The following ARB2A variants were observed in gnomAD, a reference collection of about 807,000 sequenced individuals.
The protein encoded by ARB2A is cotranscriptional regulator ARB2A.
At chr5:93,716,691 T>C in the ARB2A span, among the ~76,000 whole-genome samples, 2 of 69,476 alleles carry the variant, frequency 2.9e-5, no homozygotes, top group South Asian at 7.4e-4. Context: ...CTATAAGCTG[T>C]GCAAAAAAAA....
the ARB2A span, among the ~76,000 whole-genome samples, chr5:93,786,219 A>G: frequency 5.3e-5 from 8 of 152,228 alleles, no homozygotes; most frequent in Non-Finnish European, 1.2e-4. Flanking sequence ...CTTGAGAGCC[A>G]TTTGTGAAAT....
the ARB2A span, among the ~76,000 whole-genome samples, chr5:94,060,493 T>C: frequency 2.6e-5 from 4 of 152,218 alleles, no homozygotes; most frequent in African/African-American, 4.8e-5. Context: ...AATAGTCTTA[T>C]GACTATTAAA....
At chr5:93,624,596 C>CA in the ARB2A span, among the ~76,000 whole-genome samples, 8 of 151,938 alleles carry the variant, frequency 5.3e-5, no homozygotes, top group African/African-American at 1.7e-4. Context: ...CACTTCATTA[C>CA]AAAAAAATAC....
the ARB2A span, among the ~76,000 whole-genome samples, chr5:93,975,034 G>A: frequency 1.3e-5 from 2 of 152,114 alleles, no homozygotes; most frequent in African/African-American, 4.8e-5. Flanking sequence ...AAAAATCTTA[G>A]CTGGGCGCGG....
the ARB2A span, chr5:93,741,611 G>C: frequency 6.9e-7 from 1 of 1,452,396 alleles, no homozygotes; most frequent in Non-Finnish European, 9.1e-7. Flanking sequence ...GATGGCCCTC[G>C]AGGCTTCAGA....
At chr5:94,071,177 A>G in the ARB2A span, among the ~76,000 whole-genome samples, 4 of 152,120 alleles carry the variant, frequency 2.6e-5, no homozygotes. Flanking sequence ...AGTAAAATAT[A>G]GTTTATTCAT....
the ARB2A span, among the ~76,000 whole-genome samples, chr5:93,695,019 A>G: frequency 6.6e-6 from 1 of 152,190 alleles, no homozygotes; most frequent in East Asian, 1.9e-4. Context: ...CCTTCCTTAC[A>G]CCTTACACAA....
the ARB2A span, among the ~76,000 whole-genome samples, chr5:93,856,383 A>G: frequency 6.6e-6 from 1 of 152,186 alleles, no homozygotes; most frequent in Non-Finnish European, 1.5e-5. Context: ...GTGTTTTCCA[A>G]CTGGGTTCCA....
chr5:93,814,351 G>A, the ARB2A span, among the ~76,000 whole-genome samples: 2 of 152,132 alleles, frequency 1.3e-5, no homozygotes, highest in Admixed American at 1.3e-4. Context: ...TTCTAAGGTT[G>A]CATCAAGCAA....
At chr5:93,693,304 T>C in the ARB2A span, among the ~76,000 whole-genome samples, 1 of 151,998 alleles carries the variant, frequency 6.6e-6, no homozygotes, top group South Asian at 2.1e-4. Context: ...AATAGACTGC[T>C]AGCCAGATTA....
the ARB2A span, among the ~76,000 whole-genome samples, chr5:93,946,513 C>A: frequency 0.084 from 12,758 of 152,174 alleles, 754 homozygotes; most frequent in Middle Eastern, 0.16. Flanking sequence ...TATTATCTAC[C>A]TGGCTCAGCC....
chr5:93,821,232 T>C, the ARB2A span, among the ~76,000 whole-genome samples: 1 of 152,028 alleles, frequency 6.6e-6, no homozygotes. Flanking sequence ...TGTGAACTTG[T>C]AGGACAGTGG....
the ARB2A span, among the ~76,000 whole-genome samples, chr5:93,976,834 T>A: frequency 6.6e-6 from 1 of 152,176 alleles, no homozygotes; most frequent in Non-Finnish European, 1.5e-5. Context: ...TCATTGCTGA[T>A]ATGATTCTAT....
At chr5:93,743,485 A>C in the ARB2A span, 1 of 948,378 alleles carries the variant, frequency 1.1e-6, no homozygotes, top group Non-Finnish European at 1.3e-6. Context: ...AATATACAGA[A>C]GTTCATTTAA....
At chr5:93,957,896 ACTTTTTACAAAAGT>A in the ARB2A span, among the ~76,000 whole-genome samples, 2 of 152,046 alleles carry the variant, frequency 1.3e-5, no homozygotes, top group African/African-American at 2.4e-5. Flanking sequence ...ATATTCCTTT[ACTTTTTACAAAAGT>A]CTTTTTACAA....
chr5:94,049,728 C>A, the ARB2A span, among the ~76,000 whole-genome samples: 21 of 152,140 alleles, frequency 1.4e-4, no homozygotes, highest in South Asian at 4.4e-3. Flanking sequence ...GACTGAGGCA[C>A]GAGAATCGCT....
chr5:93,897,703 G>A, the ARB2A span, among the ~76,000 whole-genome samples: 2 of 151,744 alleles, frequency 1.3e-5, no homozygotes. Flanking sequence ...ATCCTTTATT[G>A]AGGTACTACC....
chr5:93,971,362 G>A, the ARB2A span, among the ~76,000 whole-genome samples: 13 of 152,124 alleles, frequency 8.5e-5, no homozygotes, highest in East Asian at 9.7e-4. Context: ...GAGATCAGGC[G>A]TTCGAAACCA....
chr5:94,109,612 A>G, the ARB2A span, among the ~76,000 whole-genome samples: 1 of 152,214 alleles, frequency 6.6e-6, no homozygotes, highest in Non-Finnish European at 1.5e-5. Context: ...CCACCAAATC[A>G]AGGAATAAAT....
Sources: gnomAD v4.1 joint callset for allele counts (sites outside exome capture counted in the v4.1 genomes callset) on GRCh38, gnomAD v4.1.1 for gene constraint, MANE v1.5 for transcripts, NCBI Gene and HGNC (gene_info 2026-07-23, HGNC 2026-07-21) for gene names.